Variants in SSH2 observed in about 807,000 individuals in gnomAD.
SSH2 encodes the protein protein phosphatase Slingshot homolog 2.
Under a neutral mutation model 135.2 loss-of-function variants are expected in SSH2, and 37 were observed. The ratio of observed to expected loss-of-function variants is 0.27; its 90% CI spans 0.21 to 0.36. The LOEUF (loss-of-function observed/expected upper bound fraction) is 0.36. Among genes scored for constraint, SSH2 ranks in the 10% least tolerant of loss-of-function variants. SSH2 has a pLI of 1.00. For missense variants in SSH2, 1,408 were observed against 1,765.3 expected, an observed-to-expected ratio of 0.80 and a Z score of 3.63; for synonymous variants, 628 against 646.2, an observed-to-expected ratio of 0.97 and a Z score of 0.43.
rs530982221 is a variant in SSH2 at position 29,641,463 on chromosome 17, C to T, written c.1428-4661G>A. The T allele has an allele frequency of 5.3e-5, 8 of 152,154 alleles. No homozygotes were observed. In the East Asian group the frequency reaches 1.3e-3, roughly 26 times the overall value. The allele number at this position is 152,154 out of a possible 1,614,324, so 9.4% of individuals were successfully genotyped here. ...TGTATCCTGGATGATATAACCAAGTCTCAGATCCTTTTCCCCCTTGAGTGG... is the reference window on the plus strand; with the variant it reads ...TGTATCCTGGATGATATAACCAAGTTTCAGATCCTTTTCCCCCTTGAGTGG... On this transcript the variant is annotated intron_variant, in intron 14 of 15. Coordinates refer to ENST00000540801, the MANE Select transcript of SSH2 (RefSeq NM_001282129.2).
At chr17:29,884,322 A>G (rs896114130) in intron 1 of SSH2, among the ~76,000 whole-genome samples, 3 of 152,034 alleles carry the variant, frequency 2.0e-5, no homozygotes, top group Non-Finnish European at 4.4e-5. Flanking sequence ...TTGGCACACT[A>G]TTTTCTACTG....
At chr17:29,691,664 G>A (rs2038482256) in intron 5 of SSH2, among the ~76,000 whole-genome samples, 1 of 151,442 alleles carries the variant, frequency 6.6e-6, no homozygotes, top group Non-Finnish European at 1.5e-5. Context: ...CTAATTTTTT[G>A]TATTTTTAGT....
At chr17:29,838,363 C>T (rs2042980813) in intron 2 of SSH2, among the ~76,000 whole-genome samples, 1 of 152,250 alleles carries the variant, frequency 6.6e-6, no homozygotes, top group Admixed American at 6.5e-5. Context: ...ACAGCCTGGG[C>T]ACCATGAATG....
intron 2 of SSH2, among the ~76,000 whole-genome samples, chr17:29,797,073 C>T (rs2042170360): frequency 6.6e-6 from 1 of 151,168 alleles, no homozygotes; most frequent in South Asian, 2.1e-4. Context: ...ATCTTCCTGC[C>T]TTGACCTCCC....
intron 1 of SSH2, among the ~76,000 whole-genome samples, chr17:29,880,911 G>T (rs567554400): frequency 6.5e-4 from 99 of 152,286 alleles, no homozygotes; most frequent in African/African-American, 2.0e-3. Flanking sequence ...TCCTGGCTCA[G>T]TTCAGGAGTC....
At chr17:29,760,747 C>G (rs1398943729) in intron 3 of SSH2, among the ~76,000 whole-genome samples, 1 of 151,836 alleles carries the variant, frequency 6.6e-6, no homozygotes, top group Non-Finnish European at 1.5e-5. Flanking sequence ...AACCCATAAT[C>G]ACGGAAAGCT....
chr17:29,693,663 T>C (rs2038591124), intron 5 of SSH2, among the ~76,000 whole-genome samples: 1 of 152,138 alleles, frequency 6.6e-6, no homozygotes, highest in East Asian at 1.9e-4. Context: ...ACAAGATTTA[T>C]ATAAATGTAT....
At chr17:29,716,741 T>C (rs1338918079) in intron 3 of SSH2, 1 of 512,090 alleles carries the variant, frequency 2.0e-6, no homozygotes, top group African/African-American at 2.1e-5. Flanking sequence ...GTTCTCTTTA[T>C]TAAGAAGGAA....
intron 2 of SSH2, among the ~76,000 whole-genome samples, chr17:29,814,325 C>T (rs796537104): frequency 9.7e-5 from 10 of 103,334 alleles, no homozygotes; most frequent in African/African-American, 3.3e-4. Flanking sequence ...CCCAGCTACT[C>T]GGGAGGCTGA....
intron 3 of SSH2, chr17:29,761,447 G>A (rs2041302476): frequency 2.0e-6 from 2 of 996,830 alleles, no homozygotes; most frequent in African/African-American, 1.7e-5. Flanking sequence ...GGCGTCGCCA[G>A]CAGTTCGCCC....
intron 1 of SSH2, chr17:29,866,102 C>CAAAAAAAAAAAAAAAA (rs34216701): frequency 8.8e-6 from 1 of 113,710 alleles, no homozygotes; most frequent in Non-Finnish European, 1.9e-5. Flanking sequence ...AACTCCATCT[C>CAAAAAAAAAAAAAAAA]AAAAAAAAAA....
intron 3 of SSH2, among the ~76,000 whole-genome samples, chr17:29,766,425 T>G (rs922996460): frequency 6.6e-6 from 1 of 151,536 alleles, no homozygotes; most frequent in Non-Finnish European, 1.5e-5. Context: ...GCCACTGCAC[T>G]CTAGTCGGGG....
chr17:29,809,809 C>T (rs548624626), intron 2 of SSH2, among the ~76,000 whole-genome samples: 4 of 152,206 alleles, frequency 2.6e-5, no homozygotes, highest in African/African-American at 9.6e-5. Flanking sequence ...CCTTCCACCT[C>T]GGCCTCCCAA....
intron 3 of SSH2, chr17:29,761,565 G>T (rs1342344139): frequency 7.7e-6 from 3 of 389,236 alleles, no homozygotes; most frequent in Non-Finnish European, 1.1e-5. Context: ...CGCAGCGCGC[G>T]TCACAGCCTT....
chr17:29,634,996 A>G (rs947660112), intron 15 of SSH2, among the ~76,000 whole-genome samples: 7 of 149,912 alleles, frequency 4.7e-5, no homozygotes, highest in African/African-American at 7.4e-5. Flanking sequence ...TCTGTCTCCT[A>G]GGTTCAAGTG....
intron 2 of SSH2, among the ~76,000 whole-genome samples, chr17:29,836,735 G>A (rs762412346): frequency 6.6e-6 from 1 of 152,060 alleles, no homozygotes; most frequent in African/African-American, 2.4e-5. Flanking sequence ...AATTACTACC[G>A]CTTTTCTACT....
intron 1 of SSH2, among the ~76,000 whole-genome samples, chr17:29,886,510 G>C (rs1471492330): frequency 6.6e-6 from 1 of 152,072 alleles, no homozygotes; most frequent in South Asian, 2.1e-4. Flanking sequence ...ACTTTGGGAG[G>C]CTGAGGTGGA....
At chr17:29,864,470 A>G (rs1204082821) in intron 1 of SSH2, among the ~76,000 whole-genome samples, 1 of 151,782 alleles carries the variant, frequency 6.6e-6, no homozygotes, top group East Asian at 1.9e-4. Flanking sequence ...CTTTTTCACA[A>G]TATCTCTCCT....
chr17:29,750,254 A>G (rs1488718768), intron 3 of SSH2, among the ~76,000 whole-genome samples: 1 of 151,264 alleles, frequency 6.6e-6, no homozygotes, highest in African/African-American at 2.4e-5. Context: ...CCTGGCCAAC[A>G]TGGCGAAACC....
Sources: gnomAD v4.1 joint callset for allele counts (sites outside exome capture counted in the v4.1 genomes callset) on GRCh38, gnomAD v4.1.1 for gene constraint, MANE v1.5 for transcripts, NCBI Gene and HGNC (gene_info 2026-07-23, HGNC 2026-07-21) for gene names.